LMOD2: variants seen among roughly 807,000 people sequenced by gnomAD.
LMOD2 encodes leiomodin 2.
In LMOD2, 27 loss-of-function variants were observed where a neutral mutation model predicts 41.7. The ratio of observed to expected loss-of-function variants is 0.65; its 90% CI spans 0.48 to 0.89. LMOD2 has a LOEUF of 0.89. LMOD2 is among the 40% of genes least tolerant of loss of function. The probability of loss-of-function intolerance (pLI) is 0.00; values close to 1 mark genes in which losing one functional copy is unlikely to be tolerated. For synonymous variants in LMOD2, 251 were observed against 244.6 expected (o/e 1.03, Z -0.25); for missense variants, 624 against 667.9 (o/e 0.93, Z 0.72).
chr7:123,656,192 TC>T lies in LMOD2; in HGVS notation c.232del (p.Gln78LysfsTer74). On this transcript the variant is annotated frameshift_variant, in exon 1 of 3. Transcript: ENST00000458573. LOFTEE classifies it high-confidence loss of function. ...ACTGATGGCCTATTGGGAAAAGGAG[TC>T]CCAAAAACTCTTGGAGAAGGAGAGG... ...EALMAYWEKE[S>X]QKLLEKERLG... 6.2e-7 allele frequency: 1 copy of T among 1,608,954 alleles called. No homozygotes were observed. The highest frequency in any genetic ancestry group is 8.5e-7 in the Non-Finnish European group (1 of 1,178,000).
At position 123,663,748 on chromosome 7, in the gene LMOD2, A is replaced by C; in HGVS notation, c.*3A>C. 6.3e-7 allele frequency: 1 copy of C among 1,576,042 alleles called. No individual in the cohort carries two copies. The highest frequency in any genetic ancestry group is 8.6e-7 in the Non-Finnish European group (1 of 1,158,660). ...AAGTTCCAGAAGCCCTGCGATAAAA[A>C]CATGATCTTTAGAAGAGGATGCAGA... On this transcript the variant is annotated 3_prime_UTR_variant, in exon 3 of 3. Coordinates refer to ENST00000458573, the MANE Select transcript of LMOD2 (RefSeq NM_207163.3).
intron 1 of LMOD2, among the ~76,000 whole-genome samples, chr7:123,657,898 G>A (rs1170136851): frequency 3.3e-5 from 5 of 150,186 alleles, no homozygotes; most frequent in African/African-American, 1.2e-4. Flanking sequence ...GCTGAGGTGG[G>A]AGGTTGGCTT....
intron 1 of LMOD2, among the ~76,000 whole-genome samples, chr7:123,658,460 T>C (rs564218275): frequency 1.8e-4 from 28 of 152,310 alleles, no homozygotes; most frequent in South Asian, 8.3e-4. Flanking sequence ...TGATTGATTA[T>C]CAGGCGGCTG....
intron 1 of LMOD2, 63 bp from the exon 2 acceptor site, chr7:123,661,796 TA>T: frequency 1.7e-6 from 2 of 1,143,284 alleles, no homozygotes; most frequent in East Asian, 2.6e-5. Context: ...TTTTGCAAGT[TA>T]AAAAATGTAC....
chr7:123,663,682 T>G, intron 2 of LMOD2, 37 bp from the exon 3 acceptor site: 1 of 1,550,424 alleles, frequency 6.4e-7, no homozygotes. Flanking sequence ...TTATCATGTG[T>G]GTTGTTTCAT....
At position 123,662,351 on chromosome 7, in the gene LMOD2, T is replaced by C; in HGVS notation, c.765T>C (p.Ser255=). ...FSLANTHADD[S]AAMAIAEMLK... is the part of the protein sequence containing the mutation. ...TGGCCAACACGCATGCCGACGACAG[T>C]GCAGCCATGGCCATTGCAGAGATGC... Residue 255 remains serine, a synonymous_variant, in exon 2 of 3, where the codon AGT becomes AGC. Coordinates refer to ENST00000458573, the MANE Select transcript of LMOD2 (RefSeq NM_207163.3). The surrounding 1 kb of genome is among the most constrained non-coding windows in gnomAD (Gnocchi z 4.0). 1 of 1,613,720 alleles carries C rather than the reference T, an allele frequency of 6.2e-7. No homozygotes were observed. The highest frequency in any genetic ancestry group is 8.5e-7 in the Non-Finnish European group (1 of 1,179,776).
Position 123,662,621 on chromosome 7 carries a change from G to A in LMOD2, c.1035G>A (p.Thr345=), listed in dbSNP as rs766317196. Residue 345 remains threonine, a synonymous_variant, in exon 2 of 3, where the codon ACG becomes ACA. Transcript: ENST00000458573. This position sits in a 1 kb window ranked among gnomAD's most constrained non-coding sequence, Gnocchi z 4.0. ...TCCCAGGACCAAGAATGAGCATGAC[G>A]AGCATTTTGACAAGAAATATGGATA... ...FELPGPRMSM[T]SILTRNMDKQ... 7.4e-6 allele frequency: 12 copies of A among 1,614,004 alleles called. No individual in the cohort carries two copies. Among genetic ancestry groups the A allele is most frequent in the Middle Eastern group, 1.6e-4 (1 of 6,062 alleles).
intron 1 of LMOD2, among the ~76,000 whole-genome samples, chr7:123,657,583 C>G (rs925564060): frequency 6.6e-6 from 1 of 152,066 alleles, no homozygotes. Flanking sequence ...CCTCCACAAC[C>G]ATTGTTTTAA....
chr7:123,662,082 T>C lies in LMOD2; in HGVS notation c.496T>C (p.Phe166Leu). 6 of 1,608,316 alleles carry C rather than the reference T, an allele frequency of 3.7e-6. No individual in the cohort carries two copies. The highest frequency in any genetic ancestry group is 5.1e-6 in the Non-Finnish European group (6 of 1,177,048). Residue 166 changes from phenylalanine (F) to leucine (L), a missense_variant, in exon 2 of 3, where the codon TTT becomes CTT. Phe to Leu is a conservative substitution (Grantham distance 22, BLOSUM62 0). Transcript: ENST00000458573. The surrounding 1 kb of genome is among the most constrained non-coding windows in gnomAD (Gnocchi z 4.0). ...VNSDNSKPKI[F>L]KSQIENINLT... ...TTCTGACAACTCTAAGCCAAAGATA[T>C]TTAAAAGTCAAATAGAGAACATAAA...
In LMOD2 at chr7:123,656,139, C is replaced by A. The variant is rs184693390; in HGVS notation, c.176C>A (p.Thr59Asn). Residue 59 changes from threonine (T) to asparagine (N), a missense_variant, in exon 1 of 3, where the codon ACC (threonine) becomes AAC (asparagine). Physicochemically the swap from Thr to Asn is moderately conservative, Grantham distance 65. Coordinates refer to ENST00000458573, the MANE Select transcript of LMOD2 (RefSeq NM_207163.3). ...AGGCAAAAGAGCCTGACAGAGAAAA[C>A]CCCCACAGGGACATTCAGCAGAGAG... ...GLRQKSLTEK[T>N]PTGTFSREAL... is the part of the protein sequence containing the mutation. 1 of 1,609,792 alleles carries A rather than the reference C, an allele frequency of 6.2e-7. No individual in the cohort carries two copies. The highest frequency in any genetic ancestry group is 8.5e-7 in the Non-Finnish European group (1 of 1,178,118).
At position 123,663,103 on chromosome 7, in the gene LMOD2, A is replaced by C. The variant is rs978735054; in HGVS notation, c.1517A>C (p.Lys506Thr). 16 of 1,562,886 alleles carry C rather than the reference A, an allele frequency of 1.0e-5. No homozygotes were observed. In the East Asian group the frequency reaches 3.6e-4, roughly 35 times the overall value. ...AATTCTCTGAGGTCAGTGCAAGAGA[A>C]GAAAATGGAAGACAGTTCCCGACCT... ...IKNSLRSVQE[K>T]KMEDSSRPST... Residue 506 changes from lysine to threonine, a missense_variant, in exon 2 of 3, where the codon AAG (lysine) becomes ACG (threonine). Transcript: ENST00000458573.
intron 1 of LMOD2, among the ~76,000 whole-genome samples, chr7:123,661,285 T>C (rs1011742374): frequency 6.6e-6 from 1 of 152,186 alleles, no homozygotes; most frequent in Non-Finnish European, 1.5e-5. Context: ...ACAGCTCTGC[T>C]TCTGTCTACA....
chr7:123,660,833 A>G (rs1283056318), intron 1 of LMOD2, among the ~76,000 whole-genome samples: 1 of 152,188 alleles, frequency 6.6e-6, no homozygotes, highest in African/African-American at 2.4e-5. Flanking sequence ...AGACAAAGAT[A>G]GAATGAAATT....
chr7:123,660,323 TCA>T (rs35608504), intron 1 of LMOD2, among the ~76,000 whole-genome samples: 6 of 147,400 alleles, frequency 4.1e-5, no homozygotes, highest in South Asian at 4.4e-4. Context: ...TCTCTCTCTC[TCA>T]CACACACACA....
At chr7:123,663,307 T>G in intron 2 of LMOD2, 104 bp downstream of exon 2, 1 of 1,351,440 alleles carries the variant, frequency 7.4e-7, no homozygotes, top group Non-Finnish European at 9.9e-7. Context: ...TATCAATACT[T>G]TCAATATTTT....
At position 123,664,158 on chromosome 7, in the gene LMOD2, T is replaced by C. The variant is rs979366942; in HGVS notation, c.*413T>C. On this transcript the variant is annotated 3_prime_UTR_variant, in exon 3 of 3. Transcript: ENST00000458573. ...ATCTGTCAGATTTTTGTAATCTCGA[T>C]AAATGTGTATTGAAGTTTTTTCCCT... is the stretch of plus-strand genomic sequence containing the variant. 1 of 166,150 alleles carries C rather than the reference T, an allele frequency of 6.0e-6. No homozygotes were observed. The highest frequency in any genetic ancestry group is 6.2e-5 in the Admixed American group (1 of 16,032). The allele number at this position is 166,150 out of a possible 1,614,324, so 10.3% of individuals were successfully genotyped here.
chr7:123,656,889 C>G (rs994568502), intron 1 of LMOD2, among the ~76,000 whole-genome samples: 1 of 152,056 alleles, frequency 6.6e-6, no homozygotes, highest in Non-Finnish European at 1.5e-5. Flanking sequence ...AATCAAGAAC[C>G]CCTTTGAGAT....
In LMOD2 at chr7:123,658,139, C is replaced by A. The variant is rs529906427; in HGVS notation, c.273+1903C>A. 2.2e-4 allele frequency among the ~76,000 whole-genome samples: 33 copies of A among 152,194 alleles called. No homozygotes were observed. The South Asian group carries it at 2.3e-3, about 11-fold the overall frequency. On this transcript the variant is annotated intron_variant, in intron 1 of 2. Coordinates refer to ENST00000458573, the MANE Select transcript of LMOD2 (RefSeq NM_207163.3). ...AGAGCAAAACCTATCGTCAGCCGGA[C>A]GAACCCACCTGATCCTGCCAAAGGT...
At chr7:123,659,863 T>C (rs1003296516) in intron 1 of LMOD2, among the ~76,000 whole-genome samples, 1 of 152,154 alleles carries the variant, frequency 6.6e-6, no homozygotes, top group Admixed American at 6.5e-5. Context: ...AATTCACAGT[T>C]TCAGATATTA....
Sources: gnomAD v4.1 joint callset for allele counts (sites outside exome capture counted in the v4.1 genomes callset) on GRCh38, gnomAD v4.1.1 for gene constraint, Gnocchi (gnomAD v3.1) non-coding constraint, MANE v1.5 for transcripts, NCBI Gene and HGNC (gene_info 2026-07-23, HGNC 2026-07-21) for gene names.